Variants in PDE1C observed in about 807,000 individuals in gnomAD.
The protein encoded by PDE1C is phosphodiesterase 1C, also known as dual specificity calcium/calmodulin-dependent 3',5'-cyclic nucleotide phosphodiesterase 1C.
A neutral mutation model predicts 93.1 loss-of-function variants in PDE1C; 62 were observed. The observed-to-expected ratio is 0.67, with a 90% CI of 0.54 to 0.82. PDE1C has a LOEUF of 0.82. Ranked by LOEUF, PDE1C falls within the 40% of genes least tolerant of loss-of-function variation. PDE1C has a pLI of 0.00. For missense variants in PDE1C, 742 were observed against 884.6 expected (o/e 0.84, Z 2.04); for synonymous variants, 325 against 310.1 (o/e 1.05, Z -0.50).
chr7:31,742,999 ACAAATCTACTATCTCTCTATTTC>A, the PDE1C span, among the ~76,000 whole-genome samples: 1 of 152,016 alleles, frequency 6.6e-6, no homozygotes. Context: ...CAAGTTCATA[ACAAATCTACTATCTCTCTATTTC>A]CAATGCCACC....
chr7:31,902,374 T>C (rs570113836), intron 2 of PDE1C, among the ~76,000 whole-genome samples: 1 of 152,044 alleles, frequency 6.6e-6, no homozygotes, highest in South Asian at 2.1e-4. Context: ...TGGGATTTCA[T>C]TTTATTTATT....
chr7:32,222,387 C>G (rs1313413065), intron 1 of PDE1C, among the ~76,000 whole-genome samples: 1 of 152,192 alleles, frequency 6.6e-6, no homozygotes, highest in African/African-American at 2.4e-5. Context: ...TACTGTTTCC[C>G]CCAGACTAGC....
At chr7:31,747,576 G>T (rs552924231), downstream of PDE1C, among the ~76,000 whole-genome samples, 23 of 152,252 alleles carry the variant, frequency 1.5e-4, no homozygotes, top group Non-Finnish European at 2.9e-4. Flanking sequence ...TTGCAGTAGA[G>T]AAAGAGTTTA....
intron 17 of PDE1C, among the ~76,000 whole-genome samples, chr7:31,767,987 G>A (rs1028860318): frequency 6.6e-6 from 1 of 152,216 alleles, no homozygotes; most frequent in Non-Finnish European, 1.5e-5. Flanking sequence ...GGGAAAAATT[G>A]TAAAATAAAC....
At chr7:31,849,679 G>A (rs1166112306) in intron 8 of PDE1C, among the ~76,000 whole-genome samples, 1 of 152,006 alleles carries the variant, frequency 6.6e-6, no homozygotes, top group Admixed American at 6.6e-5. Flanking sequence ...TATTTATTTG[G>A]TGTTAAACTC....
intron 1 of PDE1C, among the ~76,000 whole-genome samples, chr7:32,069,907 T>A (rs947497235): frequency 6.6e-6 from 1 of 152,118 alleles, no homozygotes; most frequent in Admixed American, 6.5e-5. Context: ...CCTGCCCAAG[T>A]GTATGCAAGC....
chr7:31,986,038 T>TA (rs1256154782), intron 2 of PDE1C, among the ~76,000 whole-genome samples: 1 of 152,088 alleles, frequency 6.6e-6, no homozygotes, highest in Non-Finnish European at 1.5e-5. Context: ...CTGGAAAACT[T>TA]AAGAGTGATT....
rs539558422 is a variant in PDE1C, at chr7:32,373,864, C to T, written c.310+53958G>A. On this transcript the variant is annotated intron_variant, in intron 1 of 1. Coordinates refer to the PDE1C transcript ENST00000672256. ...TTAGCCAGGCGTGGTGGCGTATGCCCGTAATCCCAGCTCCTGGGAGAGTGA... is the reference window on the plus strand; with the variant it reads ...TTAGCCAGGCGTGGTGGCGTATGCCTGTAATCCCAGCTCCTGGGAGAGTGA... 4.6e-5 allele frequency among the ~76,000 whole-genome samples: 7 copies of T among 151,980 alleles called. No homozygotes were observed. The South Asian group carries it at 1.0e-3, about 23-fold the overall frequency.
Position 32,188,130 on chromosome 7 carries a change from A to G in PDE1C, c.137-18174T>C, listed in dbSNP as rs182305359. 1.2e-3 allele frequency among the ~76,000 whole-genome samples: 183 copies of G among 152,234 alleles called. 3 individuals carry two copies. Among genetic ancestry groups the G allele is most frequent in the Non-Finnish European group, 1.3e-4 (9 of 68,012 alleles). ...CATGCTGTAGAAGAGAATTAGGAATAAAGTCTGATAGGTTTTTTTTCTTTG... is the reference window on the plus strand; with the variant it reads ...CATGCTGTAGAAGAGAATTAGGAATGAAGTCTGATAGGTTTTTTTTCTTTG... On this transcript the variant is annotated intron_variant, in intron 2 of 18. Coordinates refer to the PDE1C transcript ENST00000396193.
intron 16 of PDE1C, chr7:31,786,893 TTATCTATCTATCTATCTATCTATC>T (rs6150055): frequency 0.14 from 20,042 of 145,944 alleles, 1,529 homozygotes; most frequent in South Asian, 0.2. Context: ...ATATATTATA[TTATCTATCTATCTATCTATCTATC>T]TATCTATCTA....
At chr7:31,889,501 A>C (rs1369056296) in intron 2 of PDE1C, among the ~76,000 whole-genome samples, 2 of 152,224 alleles carry the variant, frequency 1.3e-5, no homozygotes, top group African/African-American at 4.8e-5. Flanking sequence ...CAAGGGCATC[A>C]CTGCATACTC....
At chr7:32,420,857 G>C (rs1785417905) in intron 1 of PDE1C, among the ~76,000 whole-genome samples, 1 of 152,058 alleles carries the variant, frequency 6.6e-6, no homozygotes, top group Non-Finnish European at 1.5e-5. Flanking sequence ...TCCAACCATG[G>C]CTCAATGTGA....
chr7:31,764,291 T>C (rs1795008408), intron 17 of PDE1C, among the ~76,000 whole-genome samples: 1 of 152,138 alleles, frequency 6.6e-6, no homozygotes, highest in Non-Finnish European at 1.5e-5. Context: ...ATTACAGGTA[T>C]GCAACATCAC....
chr7:32,312,285 G>A (rs548916369), intron 1 of PDE1C, among the ~76,000 whole-genome samples: 131 of 152,130 alleles, frequency 8.6e-4, no homozygotes, highest in African/African-American at 3.0e-3. Context: ...AACATTCCAT[G>A]CTCATGGGTA....
chr7:32,280,463 A>G (rs1262303530), intron 1 of PDE1C, among the ~76,000 whole-genome samples: 1 of 152,192 alleles, frequency 6.6e-6, no homozygotes, highest in Non-Finnish European at 1.5e-5. Context: ...TAATGTAATT[A>G]CTAATCTGGA....
At chr7:31,650,673 A>G in the PDE1C span, among the ~76,000 whole-genome samples, 1 of 152,172 alleles carries the variant, frequency 6.6e-6, no homozygotes, top group Non-Finnish European at 1.5e-5. Flanking sequence ...AGACTAATAA[A>G]CATTATTCTA....
intron 1 of PDE1C, among the ~76,000 whole-genome samples, chr7:32,285,763 G>C (rs1811957633): frequency 7.3e-6 from 1 of 137,042 alleles, no homozygotes; most frequent in Non-Finnish European, 1.6e-5. Context: ...AGAGAGGGGG[G>C]AGAGAGGAAG....
chr7:32,103,161 A>T (rs1415622762), intron 3 of PDE1C, among the ~76,000 whole-genome samples: 2 of 152,222 alleles, frequency 1.3e-5, no homozygotes, highest in East Asian at 1.9e-4. Context: ...AAAGGAGACA[A>T]AAAGAATGTG....
chr7:31,695,626 T>C, the PDE1C span: 13 of 1,610,622 alleles, frequency 8.1e-6, no homozygotes, highest in Non-Finnish European at 1.1e-5. Flanking sequence ...TACCAGGTAA[T>C]GGACAAAGTC....
Sources: allele counts gnomAD v4.1 joint callset (sites outside exome capture counted in the v4.1 genomes callset), GRCh38; gene constraint gnomAD v4.1.1; transcripts MANE v1.5; gene names NCBI Gene and HGNC (gene_info 2026-07-23, HGNC 2026-07-21).